Variants in LPGAT1 observed in about 807,000 individuals in gnomAD.
The protein encoded by LPGAT1 is lysophosphatidylglycerol acyltransferase 1, also known as acyl-CoA:lysophosphatidylglycerol acyltransferase 1.
In LPGAT1, 11 loss-of-function variants were observed where a neutral mutation model predicts 47.5. The ratio of observed to expected loss-of-function variants is 0.23; its 90% CI spans 0.15 to 0.38. The LOEUF is 0.38. LPGAT1 is among the 10% of genes least tolerant of loss of function. The pLI is 1.00. For missense variants in LPGAT1, 293 were observed against 439.0 expected (o/e 0.67, Z 2.97); for synonymous variants, 138 against 144.2 (o/e 0.96, Z 0.31).
chr1:211,781,055 C>T (rs1030577265), intron 5 of LPGAT1, among the ~76,000 whole-genome samples: 6 of 151,780 alleles, frequency 4.0e-5, no homozygotes, highest in Non-Finnish European at 7.4e-5. Context: ...GCATGGTTTG[C>T]GTATACATGG....
intron 4 of LPGAT1, among the ~76,000 whole-genome samples, chr1:211,785,672 T>A (rs1658847606): frequency 6.6e-6 from 1 of 151,074 alleles, no homozygotes; most frequent in Admixed American, 6.6e-5. Flanking sequence ...AGTGACGCAA[T>A]CTCGGCCCAC....
intron 5 of LPGAT1, among the ~76,000 whole-genome samples, chr1:211,782,628 A>G (rs1295634821): frequency 6.6e-6 from 1 of 152,034 alleles, no homozygotes; most frequent in Admixed American, 6.6e-5. Flanking sequence ...CCAGCTACTC[A>G]GGAGGTTGAG....
chr1:211,813,808 T>C (rs978098988), intron 2 of LPGAT1, among the ~76,000 whole-genome samples: 2 of 152,192 alleles, frequency 1.3e-5, no homozygotes, highest in African/African-American at 4.8e-5. Flanking sequence ...CCAAGGGCTG[T>C]AGCTTGCCAA....
intron 6 of LPGAT1, 72 bp from the exon 7 acceptor site, chr1:211,751,139 A>T: frequency 1.0e-6 from 1 of 958,800 alleles, no homozygotes. Context: ...ACCACAACTT[A>T]TGATGAAAAG....
rs113108574 is a variant in LPGAT1, at chr1:211,769,059, A to C, written c.854+9859T>G. 2.1e-3 allele frequency among the ~76,000 whole-genome samples: 327 copies of C among 152,304 alleles called. 1 individual carries two copies. Among genetic ancestry groups the C allele is most frequent in the African/African-American group, 7.5e-3 (311 of 41,576 alleles). On this transcript the variant is annotated intron_variant, in intron 6 of 7. Transcript: ENST00000366997. The stretch of plus-strand genomic sequence containing the variant: ...TTCAGGGGTTTTTAGATGGGAAGCC[A>C]TGATGGAATTCTGAGCCTAGCACAG...
At chr1:211,829,405 G>A in intron 1 of LPGAT1, 82 bp from the exon 2 acceptor site, 1 of 1,545,334 alleles carries the variant, frequency 6.5e-7, no homozygotes. Context: ...ATCGCCCCCA[G>A]CACAAAATAA....
chr1:211,812,946 T>C (rs1030291745), intron 2 of LPGAT1, among the ~76,000 whole-genome samples: 8 of 152,058 alleles, frequency 5.3e-5, no homozygotes, highest in African/African-American at 1.9e-4. Flanking sequence ...TCTGTAGTAA[T>C]TTGTTTTGGT....
At chr1:211,752,880 T>G (rs1657266295) in intron 6 of LPGAT1, among the ~76,000 whole-genome samples, 1 of 151,738 alleles carries the variant, frequency 6.6e-6, no homozygotes, top group African/African-American at 2.4e-5. Context: ...TGAATCTTGT[T>G]ATTTAAAGTT....
Position 211,830,109 on chromosome 1 carries a change from C to T in LPGAT1, c.-28+464G>A. Reference sequence around the variant, plus strand: ...AAGAGGCGACCGCAGCGCGGGGAGCCGGTGGAGCCTGCAGCGGTTTCCGCG... The same window carrying T: ...AAGAGGCGACCGCAGCGCGGGGAGCTGGTGGAGCCTGCAGCGGTTTCCGCG... On this transcript the variant is annotated intron_variant, in intron 1 of 7. Coordinates refer to ENST00000366997, the MANE Select transcript of LPGAT1 (RefSeq NM_014873.3). This position sits in a 1 kb window ranked among gnomAD's most constrained non-coding sequence, Gnocchi z 5.9. The T allele has an allele frequency of 3.0e-6, 3 of 984,498 alleles. No homozygotes were observed. The highest frequency in any genetic ancestry group is 1.1e-4 in the East Asian group (1 of 8,782). The allele number at this position is 984,498 out of a possible 1,614,324, so 61.0% of individuals were successfully genotyped here.
At chr1:211,784,368 G>T (rs1001557936) in intron 4 of LPGAT1, among the ~76,000 whole-genome samples, 2 of 151,918 alleles carry the variant, frequency 1.3e-5, no homozygotes, top group African/African-American at 4.8e-5. Flanking sequence ...GGCACATTTA[G>T]TGGTCCCAGC....
chr1:211,751,079 T>A lies in LPGAT1; in HGVS notation c.855-12A>T. 2.6e-6 allele frequency: 4 copies of A among 1,554,518 alleles called. No individual in the cohort carries two copies. Among genetic ancestry groups the A allele is most frequent in the Non-Finnish European group, 3.5e-6 (4 of 1,130,718 alleles). ...TAATTGGAAAGATCCTATTAAGGGT[T>A]AGAAGAAAAGAACAAAAACTATTTA... On this transcript the variant is annotated splice_polypyrimidine_tract_variant and intron_variant, in intron 6 of 7. Transcript: ENST00000366997.
chr1:211,828,678 C>G (rs72746569), intron 2 of LPGAT1, among the ~76,000 whole-genome samples: 13,220 of 152,172 alleles, frequency 0.087, 665 homozygotes, highest in Admixed American at 0.15. Context: ...TGGTCCCATT[C>G]TTTTTCTAAA....
chr1:211,788,350 T>C (rs1442763404), intron 3 of LPGAT1, among the ~76,000 whole-genome samples: 13 of 152,066 alleles, frequency 8.5e-5, no homozygotes, highest in Admixed American at 1.3e-4. Flanking sequence ...TTAATACCAA[T>C]ATTGAGGGCA....
At chr1:211,761,588 T>G (rs2102502330) in intron 6 of LPGAT1, among the ~76,000 whole-genome samples, 1 of 152,338 alleles carries the variant, frequency 6.6e-6, no homozygotes, top group East Asian at 1.9e-4. Flanking sequence ...ATCACCAGAT[T>G]AAGTACATCA....
At chr1:211,774,130 G>GTTTTTTTTTTTTTTTTT (rs1158580879) in intron 6 of LPGAT1, among the ~76,000 whole-genome samples, 1 of 14,664 alleles carries the variant, frequency 6.8e-5, no homozygotes, top group African/African-American at 3.2e-4. Flanking sequence ...TTTTTTAAAA[G>GTTTTTTTTTTTTTTTTT]TCTTTTTTTT....
chr1:211,755,921 C>T (rs1274189936), intron 6 of LPGAT1, among the ~76,000 whole-genome samples: 1 of 152,092 alleles, frequency 6.6e-6, no homozygotes, highest in African/African-American at 2.4e-5. Flanking sequence ...ATCCTAAGGT[C>T]CAGAAACTTC....
chr1:211,801,927 T>A (rs139202282), intron 2 of LPGAT1, among the ~76,000 whole-genome samples: 26 of 143,808 alleles, frequency 1.8e-4, no homozygotes, highest in East Asian at 3.9e-4. Context: ...TAAAAAAAAA[T>A]TTTTTTTTAA....
rs1259942553 is a variant in LPGAT1 at position 211,746,943 on chromosome 1, T to G, written c.*2956A>C. 6.6e-6 allele frequency: 1 copy of G among 152,182 alleles called. No homozygotes were observed. Among genetic ancestry groups the G allele is most frequent in the Non-Finnish European group, 1.5e-5 (1 of 68,038 alleles). 9.4% of individuals were successfully genotyped at this position (152,182 alleles called of 1,614,324 possible). A position where few individuals can be genotyped will look rare whatever the true frequency, so the allele number is the denominator to read the frequency against. ...CACTGTAACTCATCAATACCAAGAT[T>G]CCAGCAATGGATTCTCAACCTTGTC... On this transcript the variant is annotated 3_prime_UTR_variant, in exon 8 of 8. Transcript: ENST00000366997.
intron 1 of LPGAT1, chr1:211,829,607 C>G: frequency 1.7e-6 from 2 of 1,193,426 alleles, no homozygotes; most frequent in South Asian, 4.3e-5. Flanking sequence ...TGGCCGTCCC[C>G]GCACCGTGTC....
Sources: allele counts gnomAD v4.1 joint callset (sites outside exome capture counted in the v4.1 genomes callset), GRCh38; gene constraint gnomAD v4.1.1; non-coding constraint Gnocchi (gnomAD v3.1); transcripts MANE v1.5; gene names NCBI Gene and HGNC (gene_info 2026-07-23, HGNC 2026-07-21).